Variants in OPCML observed in about 807,000 individuals in gnomAD.
The protein encoded by OPCML is opioid-binding protein/cell adhesion molecule.
In OPCML, 13 loss-of-function variants were observed where a neutral mutation model predicts 37.8. The observed-to-expected ratio is 0.34, with a 90% confidence interval of 0.22 to 0.55. OPCML has a LOEUF of 0.55. Ranked by LOEUF, OPCML falls within the 20% of genes least tolerant of loss-of-function variation. The pLI, the probability that OPCML is intolerant of heterozygous loss-of-function variation, is 0.91. For synonymous variants in OPCML, 176 were observed against 168.8 expected, an observed-to-expected ratio of 1.04 and a Z score of -0.33; for missense variants, 341 against 435.6, an observed-to-expected ratio of 0.78 and a Z score of 1.93.
At chr11:133,457,416 G>A (rs1946695805) in intron 1 of OPCML, among the ~76,000 whole-genome samples, 1 of 152,072 alleles carries the variant, frequency 6.6e-6, no homozygotes, top group South Asian at 2.1e-4. Flanking sequence ...GTGCACGCCT[G>A]TAGTCCCAAC....
At chr11:133,381,776 T>G (rs1444803643) in intron 1 of OPCML, among the ~76,000 whole-genome samples, 1 of 152,220 alleles carries the variant, frequency 6.6e-6, no homozygotes, top group Non-Finnish European at 1.5e-5. Context: ...TTCTTCCAAG[T>G]TCATTTTAAT....
chr11:132,883,382 G>T (rs920037146), intron 2 of OPCML, among the ~76,000 whole-genome samples: 1 of 152,118 alleles, frequency 6.6e-6, no homozygotes. Flanking sequence ...GAACACACCC[G>T]CAAGAGAGCA....
chr11:133,299,446 T>C (rs1343634459), intron 1 of OPCML: 2 of 152,376 alleles, frequency 1.3e-5, no homozygotes, highest in East Asian at 3.9e-4. Flanking sequence ...GGCAGACACC[T>C]AATTTCTTCT....
At chr11:132,489,339 C>T (rs1169556837) in intron 4 of OPCML, among the ~76,000 whole-genome samples, 1 of 151,958 alleles carries the variant, frequency 6.6e-6, no homozygotes, top group African/African-American at 2.4e-5. Flanking sequence ...TCCTGAAGGA[C>T]CTGTCTGAAG....
intron 1 of OPCML, among the ~76,000 whole-genome samples, chr11:133,210,037 C>T (rs1416514457): frequency 6.6e-6 from 1 of 152,198 alleles, no homozygotes; most frequent in Non-Finnish European, 1.5e-5. Flanking sequence ...TATTTGCACG[C>T]ACACACCTCT....
chr11:133,007,491 C>A (rs1458638526), intron 1 of OPCML: 3 of 985,332 alleles, frequency 3.0e-6, no homozygotes, highest in Non-Finnish European at 3.6e-6. Flanking sequence ...TGTTAATGAA[C>A]CTGTCCTTAG....
intron 1 of OPCML, among the ~76,000 whole-genome samples, chr11:133,310,258 A>G (rs981487672): frequency 3.3e-5 from 5 of 152,164 alleles, no homozygotes; most frequent in Non-Finnish European, 5.9e-5. Context: ...GGGCCCATAA[A>G]TGTGTACTGA....
intron 2 of OPCML, among the ~76,000 whole-genome samples, chr11:132,806,056 G>A (rs1022266912): frequency 6.6e-6 from 1 of 151,804 alleles, no homozygotes; most frequent in Non-Finnish European, 1.5e-5. Context: ...TGAAGGAGAA[G>A]GTTACATATC....
At chr11:132,532,956 G>T (rs951787723) in intron 3 of OPCML, among the ~76,000 whole-genome samples, 1 of 152,186 alleles carries the variant, frequency 6.6e-6, no homozygotes, top group Non-Finnish European at 1.5e-5. Flanking sequence ...TAGCTTTTAA[G>T]TGCTTCTCCG....
intron 2 of OPCML, among the ~76,000 whole-genome samples, chr11:132,749,671 A>T (rs1330210930): frequency 6.6e-6 from 1 of 152,146 alleles, no homozygotes; most frequent in Non-Finnish European, 1.5e-5. Context: ...GGGGTACAGT[A>T]AAGACAGAGA....
intron 2 of OPCML, among the ~76,000 whole-genome samples, chr11:132,933,134 T>C (rs144535311): frequency 1.4e-4 from 21 of 152,314 alleles, no homozygotes; most frequent in African/African-American, 5.1e-4. Context: ...CTGATAGGTA[T>C]TCAGGGACCT....
intron 2 of OPCML, among the ~76,000 whole-genome samples, chr11:132,920,846 G>A (rs1434801168): frequency 6.6e-6 from 1 of 152,148 alleles, no homozygotes; most frequent in Non-Finnish European, 1.5e-5. Flanking sequence ...TCACGGCCTG[G>A]CCGGCGGGAG....
At chr11:133,180,738 T>C (rs778253876) in intron 1 of OPCML, among the ~76,000 whole-genome samples, 8 of 150,064 alleles carry the variant, frequency 5.3e-5, no homozygotes, top group African/African-American at 9.9e-5. Context: ...ATTAAGGCTG[T>C]GAAGGCTGCT....
At chr11:133,118,900 G>A (rs578206242) in intron 1 of OPCML, among the ~76,000 whole-genome samples, 2 of 152,288 alleles carry the variant, frequency 1.3e-5, no homozygotes, top group African/African-American at 2.4e-5. Context: ...CCAAGCAAAT[G>A]GCTGGTCTTG....
At chr11:133,396,545 C>T (rs1164248228) in intron 1 of OPCML, among the ~76,000 whole-genome samples, 1 of 152,154 alleles carries the variant, frequency 6.6e-6, no homozygotes, top group Non-Finnish European at 1.5e-5. Flanking sequence ...AGGCTCAACT[C>T]AGTTTTTCTG....
Position 133,325,856 on chromosome 11 carries a change from C to T in OPCML, c.61+206408G>A, listed in dbSNP as rs138169238. 6.0e-3 allele frequency among the ~76,000 whole-genome samples: 909 copies of T among 152,282 alleles called. 2 individuals carry two copies. The highest frequency in any genetic ancestry group is 0.014 in the Middle Eastern group (4 of 294). On this transcript the variant is annotated intron_variant, in intron 1 of 7. Transcript: ENST00000524381. ...AGTGGGTCCCTTCTTTCCTGCAATG[C>T]GGCCCTCTGTTCTGGACTCCACCTC... is the stretch of plus-strand genomic sequence containing the variant.
At chr11:133,141,514 C>G (rs967134177) in intron 1 of OPCML, among the ~76,000 whole-genome samples, 1 of 152,106 alleles carries the variant, frequency 6.6e-6, no homozygotes, top group Non-Finnish European at 1.5e-5. Context: ...CTGTCTTCAG[C>G]CTGTCTCTCT....
At chr11:133,311,816 C>A (rs186756436) in intron 1 of OPCML, among the ~76,000 whole-genome samples, 1 of 152,112 alleles carries the variant, frequency 6.6e-6, no homozygotes, top group Non-Finnish European at 1.5e-5. Context: ...GACATTCAGG[C>A]GTGGACACAA....
At chr11:132,652,385 C>CACACACACACACAG (rs3222177) in intron 3 of OPCML, among the ~76,000 whole-genome samples, 20 of 126,946 alleles carry the variant, frequency 1.6e-4, no homozygotes, top group African/African-American at 7.2e-4. Flanking sequence ...CACACACACA[C>CACACACACACACAG]AGAGAGAGAA....
Sources: allele counts gnomAD v4.1 joint callset (sites outside exome capture counted in the v4.1 genomes callset), GRCh38; gene constraint gnomAD v4.1.1; transcripts MANE v1.5; gene names NCBI Gene and HGNC (gene_info 2026-07-23, HGNC 2026-07-21).